Variants in SEC14L6 observed in about 807,000 individuals in gnomAD.
SEC14L6 encodes the protein SEC14 like lipid binding 6, also known as SEC14-like protein 6.
SEC14L6 carries 40 observed loss-of-function variants against 54.1 expected under a neutral mutation model. The ratio of observed to expected loss-of-function variants is 0.74; its 90% CI spans 0.57 to 0.96. The LOEUF (loss-of-function observed/expected upper bound fraction) is 0.96. SEC14L6 is among the 40% of genes least tolerant of loss of function. The probability of loss-of-function intolerance (pLI) is 0.00; values close to 1 mark genes in which losing one functional copy is unlikely to be tolerated. For synonymous variants in SEC14L6, 171 were observed against 198.4 expected (o/e 0.86, Z 1.16); for missense variants, 471 against 498.3 (o/e 0.95, Z 0.52).
intron 8 of SEC14L6, 98 bp from the exon 9 acceptor site, chr22:30,526,030 C>T (rs1936769159): frequency 1.4e-6 from 2 of 1,422,142 alleles, no homozygotes; most frequent in Admixed American, 2.0e-5. Context: ...CAGCTGCTCT[C>T]CCTCCCTGGC....
At chr22:30,542,033 A>G (rs2085725350) in intron 1 of SEC14L6, among the ~76,000 whole-genome samples, 1 of 152,188 alleles carries the variant, frequency 6.6e-6, no homozygotes. Flanking sequence ...TTGGCACCGA[A>G]GGGCAGGACG....
rs1337277449 is a variant in SEC14L6 at position 30,532,015 on chromosome 22, G to A, written c.424-17C>T. ...CTTCCCCAGCTGCAAGGGAATGACA[G>A]GGGGTGAGACCCTGTGAGGGCCACT... On this transcript the variant is annotated splice_polypyrimidine_tract_variant and intron_variant, in intron 5 of 11. Coordinates refer to ENST00000402034, the MANE Select transcript of SEC14L6 (RefSeq NM_001193336.4). 1.3e-6 allele frequency: 2 copies of A among 1,548,940 alleles called. No individual in the cohort carries two copies. The highest frequency in any genetic ancestry group is 1.7e-6 in the Non-Finnish European group (2 of 1,145,766).
intron 1 of SEC14L6, among the ~76,000 whole-genome samples, chr22:30,545,081 G>A (rs1362398386): frequency 6.6e-6 from 1 of 151,994 alleles, no homozygotes; most frequent in Middle Eastern, 3.2e-3. Context: ...ACCCGTCGTT[G>A]CCTCCATGCT....
rs11415971 is a variant in SEC14L6 at position 30,532,121 on chromosome 22, T to TA, written c.424-124_424-123insT. ...GTCTCAGCTCTGCATGGCACAGAGA[T>TA]GGGGGAGGGAAGGGGCCATCCCACA... On this transcript the variant is annotated intron_variant, in intron 5 of 11. Transcript: ENST00000402034. 21,812 of 1,447,842 alleles carry TA rather than the reference T, an allele frequency of 0.015. 1,904 individuals are homozygous for TA. In the African/African-American group the frequency reaches 0.22, roughly 14 times the overall value. The allele number at this position is 1,447,842 out of a possible 1,614,324, so 89.7% of individuals were successfully genotyped here.
chr22:30,530,711 A>AT (rs1282017849), intron 6 of SEC14L6, among the ~76,000 whole-genome samples: 3 of 152,148 alleles, frequency 2.0e-5, no homozygotes, highest in Non-Finnish European at 2.9e-5. Context: ...GGCCAATAAC[A>AT]TTTTTTATGT....
chr22:30,532,498 C>T (rs1407702717), intron 5 of SEC14L6, 27 bp downstream of exon 5: 1 of 1,530,452 alleles, frequency 6.5e-7, no homozygotes, highest in South Asian at 1.2e-5. Flanking sequence ...TGTCCGGCTG[C>T]AGCTGCCCAG....
intron 2 of SEC14L6, among the ~76,000 whole-genome samples, chr22:30,538,156 A>G (rs1159761763): frequency 2.6e-5 from 4 of 152,042 alleles, no homozygotes; most frequent in African/African-American, 9.7e-5. Context: ...CCTGGCTAAC[A>G]TGAGGAAACC....
At chr22:30,543,253 G>A (rs1568976567) in intron 1 of SEC14L6, 4 of 1,595,370 alleles carry the variant, frequency 2.5e-6, no homozygotes, top group Non-Finnish European at 3.4e-6. Context: ...AGTCATCTGC[G>A]AGGTGGCCCA....
intron 1 of SEC14L6, chr22:30,542,410 C>A (rs866226305): frequency 2.3e-6 from 1 of 425,866 alleles, no homozygotes; most frequent in East Asian, 3.8e-5. Flanking sequence ...GGGAGGTCGG[C>A]CGCAACTTCC....
At chr22:30,534,314 A>G (rs927701099) in intron 2 of SEC14L6, among the ~76,000 whole-genome samples, 1 of 152,186 alleles carries the variant, frequency 6.6e-6, no homozygotes, top group Non-Finnish European at 1.5e-5. Flanking sequence ...GACCCTCAGA[A>G]TCTGTCAGAA....
At chr22:30,528,727 G>C (rs1405159332) in intron 8 of SEC14L6, among the ~76,000 whole-genome samples, 2 of 151,998 alleles carry the variant, frequency 1.3e-5, no homozygotes, top group Admixed American at 1.3e-4. Flanking sequence ...TGCCGCCAAA[G>C]ATCCGGATCT....
At chr22:30,532,981 G>A (rs73168682) in intron 3 of SEC14L6, 125 bp from the exon 4 acceptor site, 9 of 1,507,328 alleles carry the variant, frequency 6.0e-6, no homozygotes, top group Non-Finnish European at 8.0e-6. Flanking sequence ...GCATCCCCAG[G>A]CTCCACTGAC....
rs753825877 is a variant in SEC14L6 at position 30,529,108 on chromosome 22, T to C, written c.643A>G (p.Arg215Gly). The stretch of plus-strand genomic sequence containing the variant: ...TCACCTCCGAGAATCACCACCTTCC[T>C]GCGTGTCTCTTCACTCATGTAAGAC... ...VKSYMSEETR[R>G]KVVILGDNWK... The change falls in exon 8 of 12, where the codon AGG becomes GGG. Residue 215 changes from arginine to glycine, a missense_variant. Physicochemically the swap from Arg to Gly is moderately radical, Grantham distance 125 (BLOSUM62 -2). Coordinates refer to ENST00000402034, the MANE Select transcript of SEC14L6 (RefSeq NM_001193336.4). 4 of 1,550,294 alleles carry C rather than the reference T, an allele frequency of 2.6e-6. No homozygotes were observed. In the South Asian group the frequency reaches 4.8e-5, roughly 18 times the overall value.
rs2085747770 is a variant in SEC14L6, at chr22:30,542,786, C to G, written c.54+3843G>C. 5.0e-6 allele frequency: 8 copies of G among 1,594,300 alleles called. No homozygotes were observed. The African/African-American group carries it at 8.1e-5, about 16-fold the overall frequency. ...GGGCCCATCCAACGGTTCAGAGGAG[C>G]TGGACCAGGCCGGAAATTAATCTAC... On this transcript the variant is annotated intron_variant, in intron 1 of 11. Coordinates refer to ENST00000402034, the MANE Select transcript of SEC14L6 (RefSeq NM_001193336.4).
chr22:30,542,965 G>A, intron 1 of SEC14L6: 1 of 1,601,360 alleles, frequency 6.2e-7, no homozygotes, highest in Non-Finnish European at 8.5e-7. Context: ...CCCTGACGTG[G>A]AGTTGAAGTC....
intron 1 of SEC14L6, chr22:30,543,945 C>T (rs535401949): frequency 1.2e-6 from 2 of 1,605,988 alleles, no homozygotes; most frequent in Non-Finnish European, 1.7e-6. Flanking sequence ...TTCAGACCAG[C>T]CTGCAGCCTG....
intron 1 of SEC14L6, among the ~76,000 whole-genome samples, chr22:30,541,208 TTA>T (rs1380651862): frequency 6.6e-6 from 1 of 152,134 alleles, no homozygotes; most frequent in Admixed American, 6.5e-5. Context: ...AAATTTTTAT[TTA>T]TTTTTTAATT....
At chr22:30,530,039 T>A (rs974319288) in intron 6 of SEC14L6, among the ~76,000 whole-genome samples, 1 of 152,184 alleles carries the variant, frequency 6.6e-6, no homozygotes, top group Non-Finnish European at 1.5e-5. Flanking sequence ...ATTTGATTCC[T>A]ACAAATGAGT....
intron 1 of SEC14L6, chr22:30,542,426 C>G (rs1350560450): frequency 2.3e-6 from 1 of 443,754 alleles, no homozygotes; most frequent in African/African-American, 2.1e-5. Context: ...CTTCCCCAGG[C>G]CACCTTAAGA....
Sources: gnomAD v4.1 joint callset for allele counts (sites outside exome capture counted in the v4.1 genomes callset) on GRCh38, gnomAD v4.1.1 for gene constraint, MANE v1.5 for transcripts, NCBI Gene and HGNC (gene_info 2026-07-23, HGNC 2026-07-21) for gene names.